Variants in DSCAM observed in about 807,000 individuals in gnomAD.
DSCAM encodes cell adhesion molecule DSCAM.
Under a neutral mutation model 217.7 loss-of-function variants are expected in DSCAM, and 47 were observed. That is an observed-to-expected ratio of 0.22 (90% confidence interval 0.17 to 0.28). The LOEUF is 0.28. Among genes scored for constraint, DSCAM ranks in the 10% least tolerant of loss-of-function variants. The pLI is 1.00. For synonymous variants in DSCAM, 1,056 were observed against 1,015.3 expected (o/e 1.04, Z -0.76); for missense variants, 2,080 against 2,618.3 (o/e 0.79, Z 4.49).
chr21:40,653,195 T>C (rs1344251337), intron 3 of DSCAM, among the ~76,000 whole-genome samples: 1 of 152,176 alleles, frequency 6.6e-6, no homozygotes, highest in Non-Finnish European at 1.5e-5. Context: ...CTTTTCAGAG[T>C]TCTGTGAGTC....
chr21:40,385,312 C>T (rs1047869625), intron 3 of DSCAM: 1 of 152,148 alleles, frequency 6.6e-6, no homozygotes, highest in Non-Finnish European at 1.5e-5. Flanking sequence ...ATGAATGTAA[C>T]TCATGCTAAC....
intron 32 of DSCAM, among the ~76,000 whole-genome samples, chr21:40,022,613 C>A (rs577798106): frequency 1.3e-5 from 2 of 152,132 alleles, no homozygotes; most frequent in African/African-American, 4.8e-5. Flanking sequence ...TCCATTGGCA[C>A]CCGCTGAGGC....
chr21:40,468,871 C>G (rs866650060), intron 3 of DSCAM, among the ~76,000 whole-genome samples: 7 of 152,056 alleles, frequency 4.6e-5, no homozygotes, highest in African/African-American at 1.4e-4. Flanking sequence ...TCCAGGAGGT[C>G]TGTTTGAACA....
intron 3 of DSCAM, among the ~76,000 whole-genome samples, chr21:40,498,772 T>A (rs2076147355): frequency 3.3e-5 from 1 of 30,760 alleles, no homozygotes; most frequent in Non-Finnish European, 5.4e-5. Context: ...TATATATATA[T>A]ATGGGTGTGT....
rs183721932 is a variant in DSCAM at position 40,249,007 on chromosome 21, C to T, written c.2356+27090G>A. ...GACTTATTCACCATCACACGAATAGCACAGGAAAGACTGACCCCCATGATT... is the reference window on the plus strand; with the variant it reads ...GACTTATTCACCATCACACGAATAGTACAGGAAAGACTGACCCCCATGATT... On this transcript the variant is annotated intron_variant, in intron 11 of 32. Coordinates refer to ENST00000400454, the MANE Select transcript of DSCAM (RefSeq NM_001389.5). Among the ~76,000 whole-genome samples, 454 of 152,284 alleles carry T rather than the reference C, an allele frequency of 3.0e-3. 2 individuals carry two copies. Among genetic ancestry groups the T allele is most frequent in the South Asian group, 4.6e-3 (22 of 4,818 alleles).
intron 21 of DSCAM, among the ~76,000 whole-genome samples, chr21:40,092,289 G>T (rs1015047125): frequency 2.6e-5 from 4 of 152,100 alleles, no homozygotes; most frequent in African/African-American, 9.7e-5. Context: ...TCACCATGTG[G>T]AACAGGCCAC....
At chr21:40,296,762 CG>C (rs1321796740) in intron 9 of DSCAM, among the ~76,000 whole-genome samples, 1 of 134,224 alleles carries the variant, frequency 7.5e-6, no homozygotes, top group Admixed American at 8.7e-5. Flanking sequence ...ACCCGGGAAG[CG>C]GAGGTTGCAG....
In DSCAM at chr21:40,479,885, CAT is replaced by C. The variant is rs563095072; in HGVS notation, c.509-110642_509-110641del. On this transcript the variant is annotated intron_variant, in intron 3 of 32. Coordinates refer to ENST00000400454, the MANE Select transcript of DSCAM (RefSeq NM_001389.5). Reference sequence around the variant, plus strand: ...AAATATTTTGAATCTTATTTTCAGACATATGTGTGTGTACATGCGTATGCATG... The same window carrying C: ...AAATATTTTGAATCTTATTTTCAGACATGTGTGTGTACATGCGTATGCATG... Among the ~76,000 whole-genome samples the C allele has an allele frequency of 3.5e-3, 540 of 152,318 alleles. 1 individual carries two copies. The highest frequency in any genetic ancestry group is 0.012 in the African/African-American group (500 of 41,566).
At chr21:40,218,218 C>T (rs1252164812) in intron 11 of DSCAM, among the ~76,000 whole-genome samples, 2 of 152,178 alleles carry the variant, frequency 1.3e-5, no homozygotes, top group Admixed American at 6.6e-5. Flanking sequence ...TATGGTCAGC[C>T]AGTTATCCTA....
chr21:40,451,263 AT>A (rs1292430356), intron 3 of DSCAM, among the ~76,000 whole-genome samples: 1 of 152,212 alleles, frequency 6.6e-6, no homozygotes, highest in Non-Finnish European at 1.5e-5. Context: ...AACAGGAGGT[AT>A]TTTAATGAAA....
At chr21:40,093,947 T>C in intron 20 of DSCAM, 73 bp from the exon 21 acceptor site, 1 of 1,478,890 alleles carries the variant, frequency 6.8e-7, no homozygotes, top group South Asian at 1.2e-5. Flanking sequence ...GAAGGAATGG[T>C]CATGAACATA....
intron 3 of DSCAM, among the ~76,000 whole-genome samples, chr21:40,370,468 A>G (rs1451994980): frequency 2.0e-5 from 3 of 152,182 alleles, no homozygotes; most frequent in Admixed American, 2.0e-4. Context: ...CAGTTGAAAC[A>G]TCCTTTAGTT....
chr21:40,831,206 G>A (rs906698700), intron 1 of DSCAM, among the ~76,000 whole-genome samples: 4 of 152,208 alleles, frequency 2.6e-5, no homozygotes, highest in African/African-American at 7.2e-5. Flanking sequence ...GAAGGCAAAT[G>A]TCCTTTCTCA....
At chr21:40,018,089 G>C (rs567356609) in intron 32 of DSCAM, among the ~76,000 whole-genome samples, 23 of 152,076 alleles carry the variant, frequency 1.5e-4, no homozygotes, top group Non-Finnish European at 4.4e-5. Context: ...ACTAATGTTC[G>C]TTTATGGTAG....
At position 40,082,668 on chromosome 21, in the gene DSCAM, A is replaced by G. The variant is rs532549100; in HGVS notation, c.4231+1240T>C. Among the ~76,000 whole-genome samples the G allele has an allele frequency of 6.9e-4, 103 of 150,246 alleles. 1 individual carries two copies. The highest frequency in any genetic ancestry group is 3.1e-4 in the Non-Finnish European group (21 of 67,682). ...CAGACACATCCTCACCACGATTTTA[A>G]AAAAATCACCTCACTTTTTCTTTCC... On this transcript the variant is annotated intron_variant, in intron 24 of 32. Transcript: ENST00000400454.
chr21:40,024,593 G>T (rs1266916479), intron 32 of DSCAM, among the ~76,000 whole-genome samples: 3 of 70,316 alleles, frequency 4.3e-5, no homozygotes, highest in Non-Finnish European at 9.0e-5. Flanking sequence ...CACATCCCTT[G>T]TAAGTTGGAT....
At chr21:40,751,525 GAACA>G (rs1199500324) in intron 1 of DSCAM, among the ~76,000 whole-genome samples, 5 of 152,176 alleles carry the variant, frequency 3.3e-5, no homozygotes, top group Admixed American at 2.0e-4. Flanking sequence ...ATAATGTGGA[GAACA>G]AAGCTAGTCC....
intron 3 of DSCAM, among the ~76,000 whole-genome samples, chr21:40,647,176 A>G (rs8133824): frequency 0.4 from 61,456 of 151,832 alleles, 12,852 homozygotes; most frequent in East Asian, 0.6. Context: ...CATTCACCAC[A>G]CGCTGTTATT....
chr21:40,768,644 A>G (rs969480627), intron 1 of DSCAM, among the ~76,000 whole-genome samples: 4 of 152,214 alleles, frequency 2.6e-5, no homozygotes, highest in African/African-American at 9.6e-5. Context: ...TGAACATCAC[A>G]GGATGGCCTT....
Sources: gnomAD v4.1 joint callset for allele counts (sites outside exome capture counted in the v4.1 genomes callset) on GRCh38, gnomAD v4.1.1 for gene constraint, MANE v1.5 for transcripts, NCBI Gene and HGNC (gene_info 2026-07-23, HGNC 2026-07-21) for gene names.